Variants in MAGI2 observed in about 807,000 individuals in gnomAD.
MAGI2 encodes the protein membrane associated guanylate kinase, WW and PDZ domain containing 2, also known as membrane-associated guanylate kinase, WW and PDZ domain-containing protein 2.
A neutral mutation model predicts 133.3 loss-of-function variants in MAGI2; 35 were observed. The observed-to-expected ratio is 0.26, with a 90% CI of 0.20 to 0.35. The LOEUF is 0.35. MAGI2 is among the 10% of genes least tolerant of loss of function. MAGI2 has a pLI of 1.00. For synonymous variants in MAGI2, 729 were observed against 710.6 expected (o/e 1.03, Z -0.41); for missense variants, 1,636 against 1,863.4 (o/e 0.88, Z 2.25).
chr7:78,322,223 A>G (rs1788076226), intron 9 of MAGI2, among the ~76,000 whole-genome samples: 1 of 152,172 alleles, frequency 6.6e-6, no homozygotes, highest in Admixed American at 6.5e-5. Flanking sequence ...AGGATCTAGA[A>G]CCAGAACTAC....
chr7:78,234,838 A>G (rs1584499210), intron 10 of MAGI2, among the ~76,000 whole-genome samples: 1 of 152,166 alleles, frequency 6.6e-6, no homozygotes, highest in Non-Finnish European at 1.5e-5. Context: ...AATTGCACCC[A>G]GTCCATTTAA....
At chr7:78,882,077 CAACAACAACAAAA>C (rs1381519153) in intron 2 of MAGI2, among the ~76,000 whole-genome samples, 2 of 16,188 alleles carry the variant, frequency 1.2e-4, no homozygotes, top group Non-Finnish European at 2.2e-4. Context: ...TTAACAACAA[CAACAACAACAAAA>C]AAAAAAAAAA....
intron 9 of MAGI2, among the ~76,000 whole-genome samples, chr7:78,305,162 A>T (rs920781601): frequency 6.6e-6 from 1 of 152,088 alleles, no homozygotes; most frequent in Admixed American, 6.6e-5. Context: ...ACTATTCGGA[A>T]CCCCTTAACA....
At chr7:78,161,674 AAAAAAAAAAAAAAG>A (rs977845711) in intron 15 of MAGI2, among the ~76,000 whole-genome samples, 6 of 146,338 alleles carry the variant, frequency 4.1e-5, no homozygotes, top group Non-Finnish European at 6.0e-5. Context: ...ACCTAAAAAA[AAAAAAAAAAAAAAG>A]AAAAAAAAAA....
Position 78,666,994 on chromosome 7 carries a change from C to T in MAGI2, c.419-39755G>A, listed in dbSNP as rs182282429. Among the ~76,000 whole-genome samples the T allele has an allele frequency of 2.8e-4, 42 of 152,194 alleles. 1 individual carries two copies. Among genetic ancestry groups the T allele is most frequent in the Admixed American group, 2.4e-3 (36 of 15,266 alleles). On this transcript the variant is annotated intron_variant, in intron 2 of 21. Transcript: ENST00000354212. Reference sequence around the variant, plus strand: ...AAAGACTATGGAGACTATATTTTAACTCATTGCAAACATAGAGAGTTGATC... The same window carrying T: ...AAAGACTATGGAGACTATATTTTAATTCATTGCAAACATAGAGAGTTGATC...
At chr7:79,171,770 A>ATATATATATATATATATATATAT in intron 1 of MAGI2, among the ~76,000 whole-genome samples, 1 of 31,204 alleles carries the variant, frequency 3.2e-5, no homozygotes, top group African/African-American at 6.5e-5. Flanking sequence ...ATATATATAT[A>ATATATATATATATATATATATAT]TTTTTTTTTT....
intron 10 of MAGI2, among the ~76,000 whole-genome samples, chr7:78,240,613 T>C (rs1221193009): frequency 6.6e-6 from 1 of 152,138 alleles, no homozygotes; most frequent in Non-Finnish European, 1.5e-5. Flanking sequence ...GAAAGTAGAA[T>C]GGTGGTTCCC....
chr7:78,345,122 A>G (rs564716272), intron 8 of MAGI2, among the ~76,000 whole-genome samples: 276 of 152,326 alleles, frequency 1.8e-3, no homozygotes, highest in African/African-American at 6.3e-3. Flanking sequence ...GTCCGCTTAC[A>G]TATCACATGT....
intron 6 of MAGI2, among the ~76,000 whole-genome samples, chr7:78,379,964 A>C (rs1273575733): frequency 6.6e-6 from 1 of 151,002 alleles, no homozygotes; most frequent in African/African-American, 2.4e-5. Flanking sequence ...TGTTAACTGA[A>C]ATTGCATATT....
chr7:78,177,090 A>G (rs1826710223), intron 14 of MAGI2, among the ~76,000 whole-genome samples: 1 of 151,968 alleles, frequency 6.6e-6, no homozygotes, highest in African/African-American at 2.4e-5. Flanking sequence ...TTTAATCCTC[A>G]AATCTACTCT....
At chr7:78,793,640 G>A (rs1235356725) in intron 2 of MAGI2, among the ~76,000 whole-genome samples, 1 of 152,120 alleles carries the variant, frequency 6.6e-6, no homozygotes, top group Non-Finnish European at 1.5e-5. Flanking sequence ...AATAGATTTA[G>A]AAAACTCATG....
At chr7:78,656,903 CAA>C (rs1219470274) in intron 2 of MAGI2, among the ~76,000 whole-genome samples, 3 of 145,270 alleles carry the variant, frequency 2.1e-5, no homozygotes, top group East Asian at 4.0e-4. Flanking sequence ...AAAATATTGG[CAA>C]AAAGTGTATA....
chr7:78,199,229 C>T (rs552435198), intron 11 of MAGI2, among the ~76,000 whole-genome samples: 1 of 152,280 alleles, frequency 6.6e-6, no homozygotes, highest in Non-Finnish European at 1.5e-5. Flanking sequence ...CAATAAGGGC[C>T]ACACTCAGAG....
At chr7:78,063,381 A>G (rs1009651634) in intron 21 of MAGI2, among the ~76,000 whole-genome samples, 6 of 152,190 alleles carry the variant, frequency 3.9e-5, no homozygotes, top group Admixed American at 2.0e-4. Flanking sequence ...AGATGGAACT[A>G]CAGTCATGTG....
intron 1 of MAGI2, among the ~76,000 whole-genome samples, chr7:79,037,567 G>A (rs1019037095): frequency 2.0e-5 from 3 of 151,986 alleles, no homozygotes; most frequent in African/African-American, 7.3e-5. Flanking sequence ...TTGCTTCTTA[G>A]TTCCACTAAG....
chr7:78,343,536 A>G (rs913803259), intron 9 of MAGI2, among the ~76,000 whole-genome samples: 2 of 152,224 alleles, frequency 1.3e-5, no homozygotes, highest in African/African-American at 2.4e-5. Flanking sequence ...TCAAGAGTCC[A>G]TTGAATCCAG....
chr7:78,052,329 G>T (rs2151111671), intron 21 of MAGI2, among the ~76,000 whole-genome samples: 1 of 152,282 alleles, frequency 6.6e-6, no homozygotes, highest in African/African-American at 2.4e-5. Context: ...GGAACGAGTT[G>T]TTGGAAAGAG....
chr7:78,527,006 CAAAAAAAAAAAAAAAAAAAAA>C (rs55707442), intron 3 of MAGI2, among the ~76,000 whole-genome samples: 2 of 45,430 alleles, frequency 4.4e-5, no homozygotes, highest in Non-Finnish European at 4.4e-5. Context: ...GACTCCATCT[CAAAAAAAAAAAAAAAAAAAAA>C]AAAAAAAGAA....
rs57715353 is a variant in MAGI2 at position 79,316,537 on chromosome 7, T to A, written c.301+136483A>T. On this transcript the variant is annotated intron_variant, in intron 1 of 21. Coordinates refer to ENST00000354212, the MANE Select transcript of MAGI2 (RefSeq NM_012301.4). ...CATTTCTGTATTTGAAGAAACTTTT[T>A]AGCTTTGTTCTTACAAAGAAGCTAA... 6.7e-3 allele frequency among the ~76,000 whole-genome samples: 1,016 copies of A among 152,344 alleles called. 6 individuals are homozygous for A. The highest frequency in any genetic ancestry group is 0.023 in the African/African-American group (963 of 41,578).
Sources: allele counts gnomAD v4.1 joint callset (sites outside exome capture counted in the v4.1 genomes callset), GRCh38; gene constraint gnomAD v4.1.1; transcripts MANE v1.5; gene names NCBI Gene and HGNC (gene_info 2026-07-23, HGNC 2026-07-21).